The following PPID variants were observed in gnomAD, a reference collection of about 807,000 sequenced individuals.
PPID encodes peptidylprolyl isomerase D, also known as peptidyl-prolyl cis-trans isomerase D.
A neutral mutation model predicts 48.1 loss-of-function variants in PPID; 47 were observed. That is an observed-to-expected ratio of 0.98 (90% CI 0.77 to 1.25). The LOEUF (loss-of-function observed/expected upper bound fraction) is 1.25, where lower values mean the gene tolerates loss of function less well. Ranked by LOEUF, PPID falls within the 50% of genes most tolerant of loss-of-function variation. The pLI is 0.00. For missense variants in PPID, 429 were observed against 443.5 expected, an observed-to-expected ratio of 0.97 and a Z score of 0.29; for synonymous variants, 163 against 148.8, an observed-to-expected ratio of 1.10 and a Z score of -0.69.
At chr4:158,715,199 C>T in intron 6 of PPID, 98 bp downstream of exon 6, 1 of 1,019,488 alleles carries the variant, frequency 9.8e-7, no homozygotes. Flanking sequence ...CCTGGTTATT[C>T]CACAAGTAAT....
chr4:158,713,000 T>C (rs960410008), intron 7 of PPID, 119 bp downstream of exon 7: 6 of 1,055,622 alleles, frequency 5.7e-6, no homozygotes, highest in Middle Eastern at 2.6e-4. Flanking sequence ...AACAAAATGT[T>C]TTCTTAAGCC....
chr4:158,716,123 A>G (rs775378560), intron 4 of PPID, among the ~76,000 whole-genome samples: 4 of 151,538 alleles, frequency 2.6e-5, no homozygotes, highest in African/African-American at 9.7e-5. Flanking sequence ...ACAGCATCTC[A>G]CTATGTTGCC....
rs201693237 is a variant in PPID, at chr4:158,713,256, C to T, written c.757G>A (p.Val253Met). The T allele has an allele frequency of 5.6e-6, 9 of 1,605,888 alleles. No individual in the cohort carries two copies. The highest frequency in any genetic ancestry group is 1.7e-5 in the Admixed American group (1 of 58,044). ...IKKYAEVLRY[V>M]DSSKAVIETA... ...TCAATAACAGCCTTTGAACTGTCCA[C>T]GTATCTGCAGAATGCATTAATAAAA... Residue 253 changes from valine (V) to methionine (M), a missense_variant, in exon 7 of 10, where the codon GTG becomes ATG. Val to Met is a conservative substitution (Grantham distance 21). Coordinates refer to ENST00000307720, the MANE Select transcript of PPID (RefSeq NM_005038.3).
chr4:158,719,294 A>G lies in PPID; in HGVS notation c.227-8T>C. 1.3e-6 allele frequency: 2 copies of G among 1,549,556 alleles called. No homozygotes were observed. The highest frequency in any genetic ancestry group is 1.8e-6 in the Non-Finnish European group (2 of 1,122,428). ...TCATAAATTTCTTAATAACTACAAA[A>G]AAGGAAAATGGCTATTAGTGACTGA... On this transcript the variant is annotated splice_polypyrimidine_tract_variant and splice_region_variant and intron_variant, in intron 2 of 9. Transcript: ENST00000307720.
chr4:158,720,664 G>A (rs547552202), intron 2 of PPID, among the ~76,000 whole-genome samples: 8 of 152,174 alleles, frequency 5.3e-5, no homozygotes, highest in African/African-American at 1.7e-4. Context: ...CAAATCTGCT[G>A]CCTTCCCAAG....
chr4:158,718,885 A>C (rs970690396), intron 3 of PPID, among the ~76,000 whole-genome samples: 1 of 152,084 alleles, frequency 6.6e-6, no homozygotes, highest in Non-Finnish European at 1.5e-5. Flanking sequence ...CATCCTTCCA[A>C]CAATGGAAAC....
chr4:158,715,796 G>C, intron 4 of PPID, 112 bp from the exon 5 acceptor site: 1 of 1,223,632 alleles, frequency 8.2e-7, no homozygotes, highest in Non-Finnish European at 1.2e-6. Context: ...TATGTGAGAA[G>C]GCTCATTTAT....
chr4:158,720,971 C>T (rs1315508243), intron 2 of PPID, among the ~76,000 whole-genome samples: 1 of 152,200 alleles, frequency 6.6e-6, no homozygotes, highest in Non-Finnish European at 1.5e-5. Flanking sequence ...GCCTCAGCCT[C>T]CCAAAGTGCT....
At chr4:158,719,106 G>T in intron 3 of PPID, 74 bp downstream of exon 3, 1 of 969,546 alleles carries the variant, frequency 1.0e-6, no homozygotes, top group Non-Finnish European at 1.6e-6. Context: ...ATTTTTTGGT[G>T]TCTTAATCCA....
rs779050130 is a variant in PPID, at chr4:158,709,465, G to A, written c.*271C>T. On this transcript the variant is annotated 3_prime_UTR_variant, in exon 10 of 10. Transcript: ENST00000307720. ...GAGAATTGCTTGAACCCGGGAGGCA[G>A]AGGATGCAGTGAGCCGAGATTGCGC... The A allele has an allele frequency of 4.3e-6, 1 of 234,754 alleles. No individual in the cohort carries two copies. Among genetic ancestry groups the A allele is most frequent in the Non-Finnish European group, 8.2e-6 (1 of 121,476 alleles). 14.5% of individuals were successfully genotyped at this position (234,754 alleles called of 1,614,324 possible). A position where few individuals can be genotyped will look rare whatever the true frequency, so the allele number is the denominator to read the frequency against.
At chr4:158,720,336 A>G (rs1215486087) in intron 2 of PPID, among the ~76,000 whole-genome samples, 1 of 147,158 alleles carries the variant, frequency 6.8e-6, no homozygotes. Flanking sequence ...TTTATTAAAC[A>G]TGAAAGTAAA....
At chr4:158,710,197 A>G (rs1774762326) in intron 9 of PPID, 1 of 337,658 alleles carries the variant, frequency 3.0e-6, no homozygotes, top group Non-Finnish European at 5.4e-6. Flanking sequence ...CCTAAAACAT[A>G]TAACCAGTAC....
chr4:158,716,850 A>G (rs1468784676), intron 4 of PPID, among the ~76,000 whole-genome samples, 162 bp downstream of exon 4: 2 of 152,138 alleles, frequency 1.3e-5, no homozygotes, highest in East Asian at 1.9e-4. Context: ...AATCCCTGCT[A>G]CTCAGAAGGC....
intron 6 of PPID, 21 bp from the exon 7 acceptor site, chr4:158,713,281 A>C (rs1157477074): frequency 6.3e-7 from 1 of 1,576,196 alleles, no homozygotes; most frequent in Admixed American, 1.9e-5. Context: ...CATTAATAAA[A>C]GCAGTATGAA....
At chr4:158,712,174 A>G (rs1279529044) in intron 7 of PPID, among the ~76,000 whole-genome samples, 1 of 152,202 alleles carries the variant, frequency 6.6e-6, no homozygotes, top group African/African-American at 2.4e-5. Flanking sequence ...AAACTATACA[A>G]CAGGGAAGAG....
intron 4 of PPID, 56 bp from the exon 5 acceptor site, chr4:158,715,740 A>T: frequency 1.3e-6 from 2 of 1,553,062 alleles, no homozygotes; most frequent in Non-Finnish European, 1.8e-6. Context: ...GAGAGATAAA[A>T]GCTATACAGC....
In PPID at chr4:158,709,622, A is replaced by G; in HGVS notation, c.*114T>C. On this transcript the variant is annotated 3_prime_UTR_variant, in exon 10 of 10. Transcript: ENST00000307720. ...CAGTACTCCTAAACTGTAAACAGTA[A>G]GGAACTAAGGTGTCAAAAGAAACAC... is the stretch of plus-strand genomic sequence containing the variant. 1.4e-6 allele frequency: 1 copy of G among 710,254 alleles called. No individual in the cohort carries two copies. Among genetic ancestry groups the G allele is most frequent in the Non-Finnish European group, 2.3e-6 (1 of 429,796 alleles). The allele number at this position is 710,254 out of a possible 1,614,324, so 44.0% of individuals were successfully genotyped here.
intron 4 of PPID, 149 bp from the exon 5 acceptor site, chr4:158,715,833 C>G: frequency 1.3e-6 from 1 of 797,984 alleles, no homozygotes; most frequent in Admixed American, 3.0e-5. Flanking sequence ...TTTATACATT[C>G]CAACTAATAC....
intron 1 of PPID, among the ~76,000 whole-genome samples, chr4:158,722,831 C>T (rs1774985244): frequency 6.6e-6 from 1 of 152,210 alleles, no homozygotes; most frequent in African/African-American, 2.4e-5. Context: ...TTTCCTGGGG[C>T]CCAGCAGACG....
Sources: gnomAD v4.1 joint callset for allele counts (sites outside exome capture counted in the v4.1 genomes callset) on GRCh38, gnomAD v4.1.1 for gene constraint, MANE v1.5 for transcripts, NCBI Gene and HGNC (gene_info 2026-07-23, HGNC 2026-07-21) for gene names.